SHTN1: variants seen among roughly 807,000 people sequenced by gnomAD.
The protein encoded by SHTN1 is shootin-1.
Under a neutral mutation model 83.1 loss-of-function variants are expected in SHTN1, and 42 were observed. The observed-to-expected ratio is 0.51, with a 90% CI of 0.39 to 0.65. SHTN1 has a LOEUF of 0.65. SHTN1 is among the 30% of genes least tolerant of loss of function. The pLI is 0.00. For missense variants in SHTN1, 622 were observed against 737.8 expected (o/e 0.84, Z 1.82); for synonymous variants, 224 against 247.7 (o/e 0.90, Z 0.90).
intron 1 of SHTN1, among the ~76,000 whole-genome samples, chr10:116,989,759 A>G (rs1851351692): frequency 6.6e-6 from 1 of 152,214 alleles, no homozygotes; most frequent in East Asian, 1.9e-4. Context: ...ATGGTAATAT[A>G]AACCAGAGTT....
At chr10:117,015,857 C>G (rs1852174543) in intron 2 of SHTN1, among the ~76,000 whole-genome samples, 1 of 152,188 alleles carries the variant, frequency 6.6e-6, no homozygotes, top group Non-Finnish European at 1.5e-5. Context: ...GAAGTTAAGC[C>G]ATCATAGATG....
chr10:117,087,782 T>C (rs1403341110), intron 1 of SHTN1, among the ~76,000 whole-genome samples: 1 of 152,140 alleles, frequency 6.6e-6, no homozygotes, highest in Admixed American at 6.6e-5. Flanking sequence ...TCAGAGAATA[T>C]TTTTTGCAAT....
chr10:116,966,154 C>T lies in SHTN1; in HGVS notation c.172+2498G>A, dbSNP rs1240758005. ...TCCAAAATAGCTAGGACTACAGGTG[C>T]CCGCCACCACGCCTGGCTAATTTTT... On this transcript the variant is annotated intron_variant, in intron 3 of 16. Coordinates refer to ENST00000355371, the MANE Select transcript of SHTN1 (RefSeq NM_001127211.3). Among the ~76,000 whole-genome samples the T allele has an allele frequency of 2.0e-5, 3 of 152,216 alleles. No homozygotes were observed. In the East Asian group the frequency reaches 5.8e-4, roughly 29 times the overall value.
chr10:116,950,898 T>A (rs190280736), intron 6 of SHTN1, among the ~76,000 whole-genome samples: 50 of 152,200 alleles, frequency 3.3e-4, no homozygotes, highest in Non-Finnish European at 5.7e-4. Context: ...AATATGTGTG[T>A]GCAAACTGAG....
chr10:117,094,926 G>A (rs369828612), intron 1 of SHTN1, among the ~76,000 whole-genome samples: 6 of 152,076 alleles, frequency 3.9e-5, no homozygotes, highest in East Asian at 1.9e-4. Context: ...GGCCTTCTCC[G>A]TTTTACATGG....
At chr10:117,003,531 A>AGT (rs371755399) in intron 1 of SHTN1, among the ~76,000 whole-genome samples, 22 of 152,024 alleles carry the variant, frequency 1.4e-4, no homozygotes, top group African/African-American at 4.8e-4. Flanking sequence ...TGTTTGCCAG[A>AGT]GTGTGGCTTC....
At chr10:117,069,292 AAT>A (rs1853046938) in intron 1 of SHTN1, among the ~76,000 whole-genome samples, 1 of 152,178 alleles carries the variant, frequency 6.6e-6, no homozygotes, top group Admixed American at 6.5e-5. Context: ...GGGTCCGCCC[AAT>A]ATAGTAGTGG....
At chr10:117,015,960 C>T (rs1408808986) in intron 2 of SHTN1, among the ~76,000 whole-genome samples, 1 of 152,062 alleles carries the variant, frequency 6.6e-6, no homozygotes, top group Non-Finnish European at 1.5e-5. Flanking sequence ...TTTTGATAAA[C>T]ACTTCATTAT....
intron 1 of SHTN1, among the ~76,000 whole-genome samples, chr10:116,992,647 A>G (rs1325349696): frequency 1.3e-5 from 2 of 152,136 alleles, no homozygotes; most frequent in Non-Finnish European, 2.9e-5. Flanking sequence ...GTATTACCTG[A>G]GAAACTATCC....
At chr10:116,898,894 T>C (rs1847619071) in intron 16 of SHTN1, among the ~76,000 whole-genome samples, 1 of 152,206 alleles carries the variant, frequency 6.6e-6, no homozygotes, top group African/African-American at 2.4e-5. Context: ...TATCTTTGAC[T>C]TTATAATTTA....
chr10:117,006,089 G>T (rs1407115519), upstream of SHTN1, among the ~76,000 whole-genome samples: 4 of 152,174 alleles, frequency 2.6e-5, no homozygotes, highest in African/African-American at 9.7e-5. Context: ...CTAGTTGCGA[G>T]CTAACCTTTG....
chr10:116,949,438 T>C (rs1277088308), intron 6 of SHTN1, among the ~76,000 whole-genome samples: 2 of 152,186 alleles, frequency 1.3e-5, no homozygotes, highest in East Asian at 3.8e-4. Context: ...CCATGATTCA[T>C]ATTTTTAATG....
rs1474072318 is a variant in SHTN1 at position 116,973,795 on chromosome 10, T to TA, written c.112-5084dup. The TA allele has an allele frequency of 3.8e-6, 4 of 1,066,346 alleles. No homozygotes were observed. In the East Asian group the frequency reaches 2.4e-4, roughly 65 times the overall value. The allele number at this position is 1,066,346 out of a possible 1,614,324, so 66.1% of individuals were successfully genotyped here. A position where few individuals can be genotyped will look rare whatever the true frequency, so the allele number is the denominator to read the frequency against. ...TTCTTGAAGTTCATTAATGTCCAGT[T>TA]ACAACAGTTAAAGATTTAAACATGC... On this transcript the variant is annotated intron_variant, in intron 2 of 16. Coordinates refer to ENST00000355371, the MANE Select transcript of SHTN1 (RefSeq NM_001127211.3).
At chr10:116,900,093 G>A (rs1847678717) in intron 16 of SHTN1, among the ~76,000 whole-genome samples, 1 of 152,178 alleles carries the variant, frequency 6.6e-6, no homozygotes, top group Non-Finnish European at 1.5e-5. Context: ...TTATACTTAA[G>A]AAACAGATTT....
At chr10:117,048,383 G>T in intron 2 of SHTN1, 1 of 575,536 alleles carries the variant, frequency 1.7e-6, no homozygotes, top group Non-Finnish European at 2.2e-6. Flanking sequence ...TTCTAGATAG[G>T]AAAGATTCAT....
chr10:117,119,058 G>A (rs989796678), intron 1 of SHTN1, among the ~76,000 whole-genome samples: 32 of 152,170 alleles, frequency 2.1e-4, no homozygotes, highest in Non-Finnish European at 7.3e-5. Context: ...TGGTCATTAT[G>A]TTAAATGAAA....
upstream of SHTN1, among the ~76,000 whole-genome samples, chr10:117,006,179 G>A (rs1191904893): frequency 6.6e-6 from 1 of 151,746 alleles, no homozygotes; most frequent in African/African-American, 2.4e-5. Flanking sequence ...GAGTTGTAAG[G>A]ATTTAATAGA....
intron 16 of SHTN1, chr10:116,901,258 C>T: frequency 3.0e-6 from 3 of 985,336 alleles, no homozygotes; most frequent in Non-Finnish European, 3.6e-6. Context: ...CAAAGTGCCA[C>T]TCTGAAGCAA....
At chr10:117,049,660 T>C (rs1268694372) in intron 1 of SHTN1, among the ~76,000 whole-genome samples, 2 of 152,216 alleles carry the variant, frequency 1.3e-5, no homozygotes, top group Non-Finnish European at 2.9e-5. Context: ...TCTAGTACTA[T>C]TCTGCAATAG....
Sources: allele counts gnomAD v4.1 joint callset (sites outside exome capture counted in the v4.1 genomes callset), GRCh38; gene constraint gnomAD v4.1.1; transcripts MANE v1.5; gene names NCBI Gene and HGNC (gene_info 2026-07-23, HGNC 2026-07-21).